The following CEP89 variants were observed in gnomAD, a reference collection of about 807,000 sequenced individuals.
The protein encoded by CEP89 is centrosomal protein of 89 kDa.
In CEP89, 95 loss-of-function variants were observed where a neutral mutation model predicts 97.6. The ratio of observed to expected loss-of-function variants is 0.97; its 90% CI spans 0.82 to 1.15. CEP89 has a LOEUF of 1.15. CEP89 is among the 50% of genes most tolerant of loss of function. CEP89 has a pLI of 0.00. For missense variants in CEP89, 869 were observed against 947.7 expected, an observed-to-expected ratio of 0.92 and a Z score of 1.09; for synonymous variants, 354 against 349.1, an observed-to-expected ratio of 1.01 and a Z score of -0.16.
intron 17 of CEP89, among the ~76,000 whole-genome samples, chr19:32,886,461 C>T (rs983952410): frequency 1.3e-5 from 2 of 152,154 alleles, no homozygotes; most frequent in Admixed American, 6.5e-5. Flanking sequence ...TCCCAGATCT[C>T]GTCACAGCCC....
chr19:32,887,279 G>C (rs143090635), intron 17 of CEP89, among the ~76,000 whole-genome samples: 1 of 151,662 alleles, frequency 6.6e-6, no homozygotes, highest in Non-Finnish European at 1.5e-5. Flanking sequence ...GTACAGTGGT[G>C]TGACCTCGGC....
intron 13 of CEP89, 27 bp downstream of exon 13, chr19:32,918,197 G>A (rs772285961): frequency 2.0e-6 from 3 of 1,515,394 alleles, no homozygotes; most frequent in Middle Eastern, 1.8e-4. Flanking sequence ...ATCAATGCAT[G>A]ACCAGTCCTC....
chr19:32,948,359 A>G lies in CEP89; in HGVS notation c.502T>C (p.Leu168=). The change falls in exon 5 of 19, where the codon TTA becomes CTA. Residue 168 remains leucine, a synonymous_variant. Coordinates refer to ENST00000305768, the MANE Select transcript of CEP89 (RefSeq NM_032816.5). ...TCGTCTTCACTGTTCACCTCATGTA[A>G]CAATGGCACCTTTTTGTTATAAAAG... ...AVPHRNQVPL[L]HEVNSEDDEN... 2 of 1,601,588 alleles carry G rather than the reference A, an allele frequency of 1.2e-6. No individual in the cohort carries two copies. The highest frequency in any genetic ancestry group is 1.7e-6 in the Non-Finnish European group (2 of 1,173,786).
intron 14 of CEP89, among the ~76,000 whole-genome samples, chr19:32,904,684 C>T (rs1193754512): frequency 6.6e-6 from 1 of 151,926 alleles, no homozygotes; most frequent in African/African-American, 2.4e-5. Flanking sequence ...CTCCGCCTCC[C>T]AGGTTCAAGC....
intron 5 of CEP89, among the ~76,000 whole-genome samples, chr19:32,942,826 T>G (rs1970714777): frequency 6.6e-6 from 1 of 150,962 alleles, no homozygotes; most frequent in African/African-American, 2.4e-5. Context: ...GCATACAAGG[T>G]GTCATGCTGG....
At chr19:32,928,251 A>T (rs1472045020) in intron 9 of CEP89, among the ~76,000 whole-genome samples, 1 of 152,120 alleles carries the variant, frequency 6.6e-6, no homozygotes, top group Non-Finnish European at 1.5e-5. Context: ...TCTAGAACAT[A>T]TCTAGTGACT....
chr19:32,891,825 AAGAGAGAGAGAAAC>A (rs1969523764), intron 16 of CEP89, among the ~76,000 whole-genome samples: 1 of 151,180 alleles, frequency 6.6e-6, no homozygotes, highest in South Asian at 2.1e-4. Context: ...GAGAGAGAGA[AAGAGAGAGAGAAAC>A]AGAGAGAGAG....
At chr19:32,914,644 A>G (rs1319809872) in intron 14 of CEP89, among the ~76,000 whole-genome samples, 5 of 152,098 alleles carry the variant, frequency 3.3e-5, no homozygotes, top group African/African-American at 1.2e-4. Context: ...AAAAAATCAC[A>G]AACACCCAAA....
rs756630033 is a variant in CEP89 at position 32,881,826 on chromosome 19, G to A, written c.2135+18C>T. 2.8e-5 allele frequency: 45 copies of A among 1,588,140 alleles called. No homozygotes were observed. Among genetic ancestry groups the A allele is most frequent in the Middle Eastern group, 1.8e-4 (1 of 5,572 alleles). On this transcript the variant is annotated intron_variant, in intron 18 of 18. Coordinates refer to ENST00000305768, the MANE Select transcript of CEP89 (RefSeq NM_032816.5). ...TTCAGACATCTCTGCGGGCCATGGC[G>A]CAGGGCGCATGCCCCACCTGTTCTG...
chr19:32,930,810 G>C (rs761652200), intron 9 of CEP89, among the ~76,000 whole-genome samples: 3 of 152,160 alleles, frequency 2.0e-5, no homozygotes, highest in Non-Finnish European at 4.4e-5. Flanking sequence ...TTAATGCACT[G>C]ACAACAGCTG....
intron 2 of CEP89, 84 bp downstream of exon 2, chr19:32,966,276 C>A: frequency 3.2e-6 from 2 of 617,242 alleles, no homozygotes; most frequent in Non-Finnish European, 5.3e-6. Flanking sequence ...TTATACTTTT[C>A]TGGGCAGTTT....
At chr19:32,910,034 G>A (rs1969965437) in intron 14 of CEP89, among the ~76,000 whole-genome samples, 1 of 152,196 alleles carries the variant, frequency 6.6e-6, no homozygotes, top group African/African-American at 2.4e-5. Context: ...GCTGAGGCAG[G>A]CAGAATGCTT....
intron 16 of CEP89, among the ~76,000 whole-genome samples, chr19:32,891,702 G>C (rs1969520415): frequency 6.6e-6 from 1 of 151,890 alleles, no homozygotes; most frequent in Admixed American, 6.6e-5. Context: ...TCCTGGAACT[G>C]AAGAATTCAA....
intron 3 of CEP89, among the ~76,000 whole-genome samples, chr19:32,955,513 T>C (rs1023094909): frequency 6.6e-6 from 1 of 152,156 alleles, no homozygotes; most frequent in Non-Finnish European, 1.5e-5. Context: ...AATTCTTTTT[T>C]TCTTTATCTT....
intron 16 of CEP89, among the ~76,000 whole-genome samples, chr19:32,897,192 A>G (rs1969661552): frequency 6.6e-6 from 1 of 152,240 alleles, no homozygotes; most frequent in East Asian, 1.9e-4. Context: ...ACATGTAGGA[A>G]AGCTTAACAG....
At chr19:32,939,493 A>G (rs970587643) in intron 6 of CEP89, among the ~76,000 whole-genome samples, 1 of 151,958 alleles carries the variant, frequency 6.6e-6, no homozygotes, top group Non-Finnish European at 1.5e-5. Flanking sequence ...CCTGGGTAAT[A>G]TGGTGAAACC....
chr19:32,960,582 G>A (rs1012200220), intron 2 of CEP89, among the ~76,000 whole-genome samples: 1 of 152,088 alleles, frequency 6.6e-6, no homozygotes, highest in Non-Finnish European at 1.5e-5. Flanking sequence ...GGCCGAGGTG[G>A]GTGGATCACG....
intron 17 of CEP89, 120 bp from the exon 18 acceptor site, chr19:32,882,133 C>T (rs1016841336): frequency 1.1e-5 from 9 of 804,054 alleles, no homozygotes; most frequent in Admixed American, 5.7e-5. Flanking sequence ...CTAGCAACCC[C>T]GGATAAGTTT....
chr19:32,966,319 A>G (rs777495654), intron 2 of CEP89, 41 bp downstream of exon 2: 20 of 1,159,188 alleles, frequency 1.7e-5, no homozygotes, highest in Middle Eastern at 2.0e-4. Flanking sequence ...TTGGAGGCTG[A>G]GCACAGGGGT....
Sources: allele counts gnomAD v4.1 joint callset (sites outside exome capture counted in the v4.1 genomes callset), GRCh38; gene constraint gnomAD v4.1.1; transcripts MANE v1.5; gene names NCBI Gene and HGNC (gene_info 2026-07-23, HGNC 2026-07-21).